The following ROBO1 variants were observed in gnomAD, a reference collection of about 807,000 sequenced individuals.
The protein encoded by ROBO1 is roundabout homolog 1.
A neutral mutation model predicts 195.9 loss-of-function variants in ROBO1; 149 were observed. The ratio of observed to expected loss-of-function variants is 0.76; its 90% CI spans 0.67 to 0.87. ROBO1 has a LOEUF of 0.87. Ranked by LOEUF, ROBO1 falls within the 40% of genes least tolerant of loss-of-function variation. The pLI is 0.00. For missense variants in ROBO1, 1,933 were observed against 2,068.3 expected, an observed-to-expected ratio of 0.93 and a Z score of 1.27; for synonymous variants, 816 against 733.2, an observed-to-expected ratio of 1.11 and a Z score of -1.82.
Position 78,670,305 on chromosome 3 carries a change from C to G in ROBO1, c.1343-4G>C. On this transcript the variant is annotated splice_polypyrimidine_tract_variant and splice_region_variant and intron_variant, in intron 10 of 30. Transcript: ENST00000464233. ...GGGGGAGGCCGATCTGCAATCACTG[C>G]CAGAAGAAACAACAGGAAATAGATT... is the stretch of plus-strand genomic sequence containing the variant. 3 of 1,554,206 alleles carry G rather than the reference C, an allele frequency of 1.9e-6. No homozygotes were observed. The highest frequency in any genetic ancestry group is 1.7e-6 in the Non-Finnish European group (2 of 1,148,180).
chr3:79,692,735 T>C (rs991787494), intron 1 of ROBO1, among the ~76,000 whole-genome samples: 4 of 151,836 alleles, frequency 2.6e-5, no homozygotes, highest in Non-Finnish European at 4.4e-5. Context: ...AAGTTCAAGA[T>C]ATATATTGTA....
intron 1 of ROBO1, among the ~76,000 whole-genome samples, chr3:79,735,156 C>A (rs1408662736): frequency 6.6e-6 from 1 of 152,208 alleles, no homozygotes; most frequent in African/African-American, 2.4e-5. Context: ...TTTTAACAAG[C>A]TATTTGGGTG....
At chr3:79,174,825 C>A (rs1468158409) in intron 2 of ROBO1, among the ~76,000 whole-genome samples, 3 of 144,522 alleles carry the variant, frequency 2.1e-5, no homozygotes, top group Non-Finnish European at 4.5e-5. Context: ...CACTGCACTT[C>A]AGTCTGGGGG....
At chr3:79,108,924 T>C (rs984284755) in intron 3 of ROBO1, among the ~76,000 whole-genome samples, 2 of 151,968 alleles carry the variant, frequency 1.3e-5, no homozygotes, top group Non-Finnish European at 2.9e-5. Flanking sequence ...AACTATATGT[T>C]GTATATATTT....
chr3:79,295,545 A>T (rs538466534), intron 2 of ROBO1, among the ~76,000 whole-genome samples: 1 of 152,272 alleles, frequency 6.6e-6, no homozygotes, highest in Admixed American at 6.5e-5. Context: ...GTGTATACCT[A>T]TGTAACAAAC....
intron 3 of ROBO1, among the ~76,000 whole-genome samples, chr3:78,968,271 CT>C (rs35361494): frequency 0.33 from 39,403 of 119,390 alleles, 6,512 homozygotes; most frequent in Middle Eastern, 0.43. Context: ...TGTATAGATT[CT>C]TTTTTTTTTT....
At chr3:79,363,218 G>A (rs1035476766) in intron 2 of ROBO1, among the ~76,000 whole-genome samples, 1 of 152,094 alleles carries the variant, frequency 6.6e-6, no homozygotes, top group Non-Finnish European at 1.5e-5. Flanking sequence ...GCCATGATGA[G>A]TTTTCTTGGT....
intron 1 of ROBO1, among the ~76,000 whole-genome samples, chr3:79,706,199 T>A (rs1044343078): frequency 6.6e-6 from 1 of 152,208 alleles, no homozygotes; most frequent in Admixed American, 6.6e-5. Context: ...TGAAAAGAAG[T>A]GGTGGGAATG....
chr3:79,699,773 G>A (rs1209600732), intron 1 of ROBO1, among the ~76,000 whole-genome samples: 2 of 151,572 alleles, frequency 1.3e-5, no homozygotes, highest in Non-Finnish European at 3.0e-5. Flanking sequence ...ACGATATGTG[G>A]CAGCTTCTGG....
Position 79,108,873 on chromosome 3 carries a change from C to A in ROBO1, c.172+16583G>T, listed in dbSNP as rs17016752. Reference sequence around the variant, plus strand: ...TTTTAAATTGAAAACATCTAAATTGCATTTGAAAAGAAATAATGAACAAGC... The same window carrying A: ...TTTTAAATTGAAAACATCTAAATTGAATTTGAAAAGAAATAATGAACAAGC... On this transcript the variant is annotated intron_variant, in intron 3 of 30. Coordinates refer to ENST00000464233, the MANE Select transcript of ROBO1 (RefSeq NM_002941.4). 9.8e-3 allele frequency among the ~76,000 whole-genome samples: 1,490 copies of A among 151,910 alleles called. 30 individuals carry two copies. The highest frequency in any genetic ancestry group is 0.034 in the African/African-American group (1,430 of 41,490).
intron 28 of ROBO1, among the ~76,000 whole-genome samples, chr3:78,608,129 T>C (rs1703574644): frequency 6.6e-6 from 1 of 152,136 alleles, no homozygotes; most frequent in Non-Finnish European, 1.5e-5. Flanking sequence ...TCTTCCCTTT[T>C]TTGGAGACAA....
intron 2 of ROBO1, among the ~76,000 whole-genome samples, chr3:79,571,235 C>A (rs543235224): frequency 6.6e-6 from 1 of 151,952 alleles, no homozygotes. Flanking sequence ...AAAGTAATTC[C>A]AAGGTAAAAT....
chr3:78,634,733 C>T (rs1358751794), intron 23 of ROBO1, among the ~76,000 whole-genome samples: 3 of 152,106 alleles, frequency 2.0e-5, no homozygotes, highest in Non-Finnish European at 4.4e-5. Flanking sequence ...TGAACTTATG[C>T]AGGAGTCTCG....
At chr3:79,267,523 G>C (rs1266516027) in intron 2 of ROBO1, among the ~76,000 whole-genome samples, 2 of 150,964 alleles carry the variant, frequency 1.3e-5, no homozygotes, top group African/African-American at 2.4e-5. Context: ...ATAGTGGTGG[G>C]AATCTTGTGT....
At chr3:78,800,189 G>T (rs2084321780) in intron 4 of ROBO1, among the ~76,000 whole-genome samples, 1 of 152,062 alleles carries the variant, frequency 6.6e-6, no homozygotes, top group African/African-American at 2.4e-5. Context: ...CTATTAAAAT[G>T]TATTTTAAAA....
intron 4 of ROBO1, among the ~76,000 whole-genome samples, chr3:78,869,789 A>G: frequency 6.6e-6 from 1 of 152,230 alleles, no homozygotes; most frequent in East Asian, 1.9e-4. Flanking sequence ...CCTCAGCCCC[A>G]GTTTCATAAT....
rs183853173 is a variant in ROBO1 at position 78,975,321 on chromosome 3, T to C, written c.173-36394A>G. 3.3e-5 allele frequency among the ~76,000 whole-genome samples: 5 copies of C among 152,310 alleles called. No individual in the cohort carries two copies. The East Asian group carries it at 9.6e-4, about 29-fold the overall frequency. ...TGAAAGATTATCTCCTATGTTCATGTCTTTGCTTACATATAAGGGGAGTTT... is the reference window on the plus strand; with the variant it reads ...TGAAAGATTATCTCCTATGTTCATGCCTTTGCTTACATATAAGGGGAGTTT... On this transcript the variant is annotated intron_variant, in intron 3 of 30. Coordinates refer to ENST00000464233, the MANE Select transcript of ROBO1 (RefSeq NM_002941.4).
chr3:79,195,923 T>G (rs1268848198), intron 2 of ROBO1, among the ~76,000 whole-genome samples: 3 of 151,500 alleles, frequency 2.0e-5, no homozygotes, highest in African/African-American at 7.3e-5. Context: ...TTATAAAACA[T>G]TTTTTACATC....
chr3:79,137,949 C>A (rs1046432281), intron 2 of ROBO1, among the ~76,000 whole-genome samples: 1 of 152,024 alleles, frequency 6.6e-6, no homozygotes, highest in Non-Finnish European at 1.5e-5. Flanking sequence ...ATCACCAGAA[C>A]TTCTTCATGT....
Sources: gnomAD v4.1 joint callset for allele counts (sites outside exome capture counted in the v4.1 genomes callset) on GRCh38, gnomAD v4.1.1 for gene constraint, MANE v1.5 for transcripts, NCBI Gene and HGNC (gene_info 2026-07-23, HGNC 2026-07-21) for gene names.